The following PRKCA variants were observed in gnomAD, a reference collection of about 807,000 sequenced individuals.
The protein encoded by PRKCA is protein kinase C alpha type.
PRKCA carries 27 observed loss-of-function variants against 87.0 expected under a neutral mutation model. The ratio of observed to expected loss-of-function variants is 0.31; its 90% CI spans 0.23 to 0.43. The LOEUF is 0.43. Ranked by LOEUF, PRKCA falls within the 20% of genes least tolerant of loss-of-function variation. PRKCA has a pLI of 1.00. For missense variants in PRKCA, 518 were observed against 852.3 expected, an observed-to-expected ratio of 0.61 and a Z score of 4.88; for synonymous variants, 329 against 311.1, an observed-to-expected ratio of 1.06 and a Z score of -0.61.
At chr17:66,797,853 G>A (rs751311242) in intron 16 of PRKCA, among the ~76,000 whole-genome samples, 4 of 152,358 alleles carry the variant, frequency 2.6e-5, no homozygotes, top group Non-Finnish European at 2.9e-5. Context: ...ACATCCCAGA[G>A]GGCAAAAGCC....
chr17:66,728,539 A>T (rs907652152), intron 8 of PRKCA, among the ~76,000 whole-genome samples: 4 of 152,260 alleles, frequency 2.6e-5, no homozygotes, highest in African/African-American at 9.6e-5. Context: ...GGCCAAGGTC[A>T]TATTGCAAAT....
rs1178680567 is a variant in PRKCA at position 66,546,178 on chromosome 17, G to A, written c.288+49895G>A. Among the ~76,000 whole-genome samples, 6 of 152,088 alleles carry A rather than the reference G, an allele frequency of 3.9e-5. 1 individual carries two copies. Among genetic ancestry groups the A allele is most frequent in the African/African-American group, 1.4e-4 (6 of 41,398 alleles). ...ATGGAATTATCATTAATTTACATGG[G>A]ATTATAATTTACATTTAATGACCAC... On this transcript the variant is annotated intron_variant, in intron 3 of 16. Transcript: ENST00000413366.
chr17:66,648,647 A>G (rs1326135776), intron 5 of PRKCA, among the ~76,000 whole-genome samples: 1 of 152,258 alleles, frequency 6.6e-6, no homozygotes, highest in Admixed American at 6.5e-5. Context: ...ATAACTAATT[A>G]GTAATTACAT....
chr17:66,472,399 GTC>G (rs1915362907), intron 2 of PRKCA, among the ~76,000 whole-genome samples: 2 of 152,284 alleles, frequency 1.3e-5, no homozygotes, highest in Non-Finnish European at 1.5e-5. Flanking sequence ...CTGCACAGGT[GTC>G]CCTGGGTTGG....
At chr17:66,723,166 A>AG (rs34062068) in intron 8 of PRKCA, among the ~76,000 whole-genome samples, 103,674 of 152,064 alleles carry the variant, frequency 0.68, 35,476 homozygotes, top group East Asian at 0.72. Flanking sequence ...TGCAGGTCAC[A>AG]GGTTTCTGGT....
At chr17:66,686,610 T>G (rs189550171) in intron 5 of PRKCA, among the ~76,000 whole-genome samples, 2 of 152,080 alleles carry the variant, frequency 1.3e-5, no homozygotes, top group Non-Finnish European at 2.9e-5. Flanking sequence ...GTGATTCCAA[T>G]GTACAGTCAG....
chr17:66,778,163 C>A (rs1052760643), intron 14 of PRKCA: 1 of 985,258 alleles, frequency 1.0e-6, no homozygotes, highest in African/African-American at 1.7e-5. Flanking sequence ...CACACTGCTT[C>A]TCAGAGCCAC....
chr17:66,744,499 A>G (rs1277706690), intron 13 of PRKCA, among the ~76,000 whole-genome samples: 1 of 152,214 alleles, frequency 6.6e-6, no homozygotes, highest in Non-Finnish European at 1.5e-5. Context: ...TATTAAGACC[A>G]GGTCTCTCCT....
At chr17:66,430,716 A>G (rs1913057149) in intron 2 of PRKCA, among the ~76,000 whole-genome samples, 1 of 152,090 alleles carries the variant, frequency 6.6e-6, no homozygotes, top group Admixed American at 6.5e-5. Flanking sequence ...CTTCTCTACC[A>G]TTCCTCCTTT....
rs1235206733 is a variant in PRKCA, at chr17:66,803,737, A to C, written c.1855-136A>C. 2.5e-6 allele frequency: 3 copies of C among 1,210,800 alleles called. No homozygotes were observed. Among genetic ancestry groups the C allele is most frequent in the South Asian group, 1.5e-5 (1 of 65,022 alleles). 75.0% of individuals were successfully genotyped at this position (1,210,800 alleles called of 1,614,324 possible). Reference sequence around the variant, plus strand: ...GGCTTTTCAATCCAATAGGCCTGCAAGTCCTCCGAGATTCCTCCTCCTAAC... The same window carrying C: ...GGCTTTTCAATCCAATAGGCCTGCACGTCCTCCGAGATTCCTCCTCCTAAC... On this transcript the variant is annotated intron_variant, in intron 16 of 16. Transcript: ENST00000413366. The surrounding 1 kb of genome is among the most constrained non-coding windows in gnomAD (Gnocchi z 4.4).
chr17:66,304,426 T>G (rs1306480955), intron 1 of PRKCA, among the ~76,000 whole-genome samples: 1 of 152,150 alleles, frequency 6.6e-6, no homozygotes, highest in African/African-American at 2.4e-5. Flanking sequence ...CTCTTCTACC[T>G]CTTCTTTGTG....
At chr17:66,777,908 C>G in intron 14 of PRKCA, 1 of 985,394 alleles carries the variant, frequency 1.0e-6, no homozygotes, top group East Asian at 1.1e-4. Context: ...CCTCTCCAAG[C>G]CTTCCTGGGA....
At chr17:66,470,677 C>G (rs1190406665) in intron 2 of PRKCA, among the ~76,000 whole-genome samples, 2 of 152,122 alleles carry the variant, frequency 1.3e-5, no homozygotes, top group African/African-American at 4.8e-5. Context: ...CCCTTCGTTT[C>G]AATACCAAGA....
intron 2 of PRKCA, among the ~76,000 whole-genome samples, chr17:66,447,655 A>G (rs1388867029): frequency 3.9e-5 from 6 of 152,222 alleles, no homozygotes; most frequent in African/African-American, 1.4e-4. Flanking sequence ...ACCTAGACTC[A>G]GTGTGACCAT....
At chr17:66,602,788 T>G (rs1419453875) in intron 3 of PRKCA, among the ~76,000 whole-genome samples, 1 of 151,866 alleles carries the variant, frequency 6.6e-6, no homozygotes, top group African/African-American at 2.4e-5. Context: ...TATAAAGGGG[T>G]CCCTGAGAAC....
chr17:66,615,318 T>C (rs189071108), intron 3 of PRKCA, among the ~76,000 whole-genome samples: 39 of 152,142 alleles, frequency 2.6e-4, no homozygotes, highest in Admixed American at 2.2e-3. Context: ...GGTTCTCTTA[T>C]GAAGGAGGGA....
At chr17:66,377,618 T>C (rs1019458710) in intron 2 of PRKCA, among the ~76,000 whole-genome samples, 2 of 143,900 alleles carry the variant, frequency 1.4e-5, no homozygotes, top group Non-Finnish European at 3.0e-5. Flanking sequence ...ATAATGTCTA[T>C]ATTATATATA....
intron 2 of PRKCA, among the ~76,000 whole-genome samples, chr17:66,318,347 T>A (rs771063431): frequency 3.3e-5 from 5 of 152,222 alleles, no homozygotes; most frequent in Non-Finnish European, 7.3e-5. Flanking sequence ...GATTTTTTTT[T>A]AATTTTTAGG....
rs192578181 is a variant in PRKCA at position 66,636,795 on chromosome 17, C to T, written c.289-4560C>T. Among the ~76,000 whole-genome samples, 169 of 152,252 alleles carry T rather than the reference C, an allele frequency of 1.1e-3. 1 individual carries two copies. The highest frequency in any genetic ancestry group is 1.9e-3 in the Non-Finnish European group (131 of 68,030). On this transcript the variant is annotated intron_variant, in intron 3 of 16. Coordinates refer to ENST00000413366, the MANE Select transcript of PRKCA (RefSeq NM_002737.3). ...TTATTTCTGCTTTATAAATAAATGACGTGACTTTTCCAAGGTAAGAGCTTG... is the reference window on the plus strand; with the variant it reads ...TTATTTCTGCTTTATAAATAAATGATGTGACTTTTCCAAGGTAAGAGCTTG...
Sources: gnomAD v4.1 joint callset for allele counts (sites outside exome capture counted in the v4.1 genomes callset) on GRCh38, gnomAD v4.1.1 for gene constraint, Gnocchi (gnomAD v3.1) non-coding constraint, MANE v1.5 for transcripts, NCBI Gene and HGNC (gene_info 2026-07-23, HGNC 2026-07-21) for gene names.